The following KLHL1 variants were observed in gnomAD, a reference collection of about 807,000 sequenced individuals.
KLHL1 encodes the protein kelch-like protein 1.
KLHL1 carries 47 observed loss-of-function variants against 77.7 expected under a neutral mutation model. The ratio of observed to expected loss-of-function variants is 0.60; its 90% confidence interval spans 0.48 to 0.77. The LOEUF is 0.77. Among genes scored for constraint, KLHL1 ranks in the 30% least tolerant of loss-of-function variants. The pLI, the probability that KLHL1 is intolerant of heterozygous loss-of-function variation, is 0.00. For synonymous variants in KLHL1, 360 were observed against 325.2 expected, an observed-to-expected ratio of 1.11 and a Z score of -1.15; for missense variants, 925 against 910.8, an observed-to-expected ratio of 1.02 and a Z score of -0.20.
intron 4 of KLHL1, among the ~76,000 whole-genome samples, chr13:69,897,269 TA>T (rs1216020578): frequency 6.6e-6 from 1 of 152,150 alleles, no homozygotes; most frequent in African/African-American, 2.4e-5. Flanking sequence ...AAAGATGCTC[TA>T]AAAAAGCTGT....
intron 8 of KLHL1, among the ~76,000 whole-genome samples, chr13:69,738,515 G>C (rs911212171): frequency 6.6e-6 from 1 of 151,910 alleles, no homozygotes; most frequent in Non-Finnish European, 1.5e-5. Flanking sequence ...AACACTACAG[G>C]AGCTGTTAAC....
chr13:69,890,390 TC>T (rs1218975609), intron 4 of KLHL1, among the ~76,000 whole-genome samples: 1 of 151,998 alleles, frequency 6.6e-6, no homozygotes, highest in Non-Finnish European at 1.5e-5. Context: ...TTCTTTGAAA[TC>T]ACTTAATTTA....
chr13:69,954,590 A>T (rs1883809802), intron 3 of KLHL1, among the ~76,000 whole-genome samples: 1 of 151,346 alleles, frequency 6.6e-6, no homozygotes, highest in Non-Finnish European at 1.5e-5. Flanking sequence ...ACACTGTGGT[A>T]GATACATAAC....
chr13:69,832,174 T>C (rs1359898297), intron 6 of KLHL1, among the ~76,000 whole-genome samples: 11 of 149,904 alleles, frequency 7.3e-5, no homozygotes, highest in African/African-American at 2.8e-4. Flanking sequence ...TGTTCACTGA[T>C]GATATGATTG....
chr13:69,964,646 T>A (rs1408482273), intron 2 of KLHL1, among the ~76,000 whole-genome samples: 1 of 152,148 alleles, frequency 6.6e-6, no homozygotes, highest in East Asian at 1.9e-4. Flanking sequence ...GAATGCTACA[T>A]AGACTGTTCA....
chr13:70,038,487 T>C (rs7998045), intron 1 of KLHL1, among the ~76,000 whole-genome samples: 38,838 of 151,820 alleles, frequency 0.26, 5,676 homozygotes, highest in African/African-American at 0.41. Flanking sequence ...GCCAAATTAT[T>C]TTCCAGAGTG....
intron 5 of KLHL1, among the ~76,000 whole-genome samples, chr13:69,872,986 T>C (rs1326034217): frequency 6.6e-6 from 1 of 152,216 alleles, no homozygotes; most frequent in Admixed American, 6.5e-5. Context: ...ATACACATCT[T>C]ATTTCCTTAT....
chr13:69,959,863 G>A lies in KLHL1; in HGVS notation c.817+1445C>T, dbSNP rs1884010229. On this transcript the variant is annotated intron_variant, in intron 3 of 10. Coordinates refer to ENST00000377844, the MANE Select transcript of KLHL1 (RefSeq NM_020866.3). ...AAAACCAATTAACAAACACAGATTG[G>A]CCTGTGCTCTCCCTCTGACCTTGGC... is the stretch of plus-strand genomic sequence containing the variant. 2.0e-5 allele frequency among the ~76,000 whole-genome samples: 3 copies of A among 151,842 alleles called. No individual in the cohort carries two copies. The South Asian group carries it at 6.2e-4, about 32-fold the overall frequency.
chr13:70,091,681 C>A (rs1887675950), intron 1 of KLHL1, among the ~76,000 whole-genome samples: 1 of 152,046 alleles, frequency 6.6e-6, no homozygotes, highest in South Asian at 2.1e-4. Flanking sequence ...ATGTTAGAAC[C>A]TTTTTCATTT....
At chr13:69,870,247 T>A (rs762052424) in intron 5 of KLHL1, among the ~76,000 whole-genome samples, 2 of 152,080 alleles carry the variant, frequency 1.3e-5, no homozygotes, top group Non-Finnish European at 2.9e-5. Flanking sequence ...GGTGCAGAGA[T>A]CACACAGCAA....
At chr13:70,068,380 G>A (rs969856265) in intron 1 of KLHL1, among the ~76,000 whole-genome samples, 1 of 148,238 alleles carries the variant, frequency 6.7e-6, no homozygotes, top group Non-Finnish European at 1.5e-5. Flanking sequence ...CAAAAAAAAA[G>A]GATTTTTAAA....
chr13:69,788,945 C>G (rs1257570495), intron 7 of KLHL1, among the ~76,000 whole-genome samples: 1 of 150,362 alleles, frequency 6.7e-6, no homozygotes, highest in African/African-American at 2.4e-5. Flanking sequence ...AGTCATAGTT[C>G]TAACACTGTT....
Position 70,108,047 on chromosome 13 carries a change from G to A in KLHL1, c.-348C>T, listed in dbSNP as rs979324699. The stretch of plus-strand genomic sequence containing the variant: ...GGGACAACCCTTAGGCTGGAGATGC[G>A]CGAGGGAGGGAGGTCTGAGCGCTCC... On this transcript the variant is annotated 5_prime_UTR_variant, in exon 1 of 11. Transcript: ENST00000377844. The A allele has an allele frequency of 9.4e-6, 4 of 424,044 alleles. No individual in the cohort carries two copies. The highest frequency in any genetic ancestry group is 2.0e-5 in the African/African-American group (1 of 48,998). The allele number at this position is 424,044 out of a possible 1,614,324, so 26.3% of individuals were successfully genotyped here. A position where few individuals can be genotyped will look rare whatever the true frequency, so the allele number is the denominator to read the frequency against.
At chr13:69,778,848 G>C (rs1410275184) in intron 7 of KLHL1, among the ~76,000 whole-genome samples, 1 of 143,194 alleles carries the variant, frequency 7.0e-6, no homozygotes, top group Non-Finnish European at 1.5e-5. Flanking sequence ...ACCGAGGCTG[G>C]AGTACAGTGG....
chr13:69,874,559 T>A (rs991175575), intron 5 of KLHL1, among the ~76,000 whole-genome samples: 11 of 152,138 alleles, frequency 7.2e-5, no homozygotes, highest in African/African-American at 2.4e-4. Context: ...AATATTTCTT[T>A]TACTTACAAA....
At chr13:69,779,380 C>T (rs368924239) in intron 7 of KLHL1, among the ~76,000 whole-genome samples, 2 of 149,664 alleles carry the variant, frequency 1.3e-5, no homozygotes, top group East Asian at 2.0e-4. Flanking sequence ...CCCCTCCCCT[C>T]TCCTCCCCTG....
intron 6 of KLHL1, among the ~76,000 whole-genome samples, chr13:69,822,467 T>C (rs1202179345): frequency 6.6e-6 from 1 of 152,182 alleles, no homozygotes; most frequent in East Asian, 1.9e-4. Flanking sequence ...GTCTATTAAA[T>C]ACATGAGCAC....
chr13:70,004,093 C>A (rs895650371), intron 1 of KLHL1, among the ~76,000 whole-genome samples: 4 of 151,686 alleles, frequency 2.6e-5, no homozygotes, highest in Non-Finnish European at 4.4e-5. Flanking sequence ...ACCTTTAAGG[C>A]CAACTAATGG....
At chr13:70,001,591 C>CTATCTATG in intron 1 of KLHL1, among the ~76,000 whole-genome samples, 1 of 150,804 alleles carries the variant, frequency 6.6e-6, no homozygotes, top group Non-Finnish European at 1.5e-5. Flanking sequence ...GTCTATCTAT[C>CTATCTATG]TATCTATCTA....
Sources: allele counts gnomAD v4.1 joint callset (sites outside exome capture counted in the v4.1 genomes callset), GRCh38; gene constraint gnomAD v4.1.1; transcripts MANE v1.5; gene names NCBI Gene and HGNC (gene_info 2026-07-23, HGNC 2026-07-21).